NEO1: variants seen among roughly 807,000 people sequenced by gnomAD.
NEO1 encodes neogenin 1.
A neutral mutation model predicts 159.7 loss-of-function variants in NEO1; 63 were observed. The ratio of observed to expected loss-of-function variants is 0.39; its 90% CI spans 0.32 to 0.49. The LOEUF (loss-of-function observed/expected upper bound fraction) is 0.49, where lower values mean the gene tolerates loss of function less well. Ranked by LOEUF, NEO1 falls within the 20% of genes least tolerant of loss-of-function variation. The pLI, the probability that NEO1 is intolerant of heterozygous loss-of-function variation, is 0.85. For synonymous variants in NEO1, 633 were observed against 662.0 expected (o/e 0.96, Z 0.67); for missense variants, 1,615 against 1,831.0 (o/e 0.88, Z 2.15).
intron 7 of NEO1, among the ~76,000 whole-genome samples, chr15:73,193,002 T>C (rs905630295): frequency 2.6e-5 from 4 of 152,080 alleles, no homozygotes; most frequent in African/African-American, 4.8e-5. Flanking sequence ...TTATAAACTT[T>C]TTGAGTTTTT....
At chr15:73,228,812 A>G (rs1413144534) in intron 7 of NEO1, among the ~76,000 whole-genome samples, 6 of 152,160 alleles carry the variant, frequency 3.9e-5, no homozygotes, top group Non-Finnish European at 8.8e-5. Context: ...TTGTTGTCCC[A>G]GCACCAGTTG....
At chr15:73,256,664 C>T (rs1320485953) in intron 13 of NEO1, among the ~76,000 whole-genome samples, 3 of 152,136 alleles carry the variant, frequency 2.0e-5, no homozygotes. Context: ...ATGTTTGTCT[C>T]CAGGGGCATG....
At chr15:73,122,971 A>C (rs999826676) in intron 3 of NEO1, among the ~76,000 whole-genome samples, 171 bp downstream of exon 3, 10 of 152,148 alleles carry the variant, frequency 6.6e-5, no homozygotes, top group Non-Finnish European at 2.9e-5. Flanking sequence ...AGCCTGGCCA[A>C]CATGGCGAAA....
At chr15:73,149,599 G>T (rs1313903650) in intron 5 of NEO1, among the ~76,000 whole-genome samples, 1 of 135,428 alleles carries the variant, frequency 7.4e-6, no homozygotes, top group Admixed American at 8.2e-5. Context: ...TTCTTGTGCA[G>T]AAAGTAGAAG....
intron 1 of NEO1, among the ~76,000 whole-genome samples, chr15:73,089,534 A>G (rs542928190): frequency 1.3e-5 from 2 of 152,296 alleles, no homozygotes; most frequent in South Asian, 2.1e-4. Context: ...TGCATGGAAA[A>G]TAACAAATGC....
At chr15:73,091,303 C>A (rs554505592) in intron 1 of NEO1, among the ~76,000 whole-genome samples, 6 of 152,238 alleles carry the variant, frequency 3.9e-5, no homozygotes, top group Admixed American at 6.5e-5. Context: ...CAGTTATGGT[C>A]TAGTATTGTT....
At chr15:73,212,614 A>C (rs1211386481) in intron 7 of NEO1, among the ~76,000 whole-genome samples, 2 of 152,180 alleles carry the variant, frequency 1.3e-5, no homozygotes, top group African/African-American at 4.8e-5. Flanking sequence ...CAGGCATTCA[A>C]ATACAAACTT....
chr15:73,291,361 T>C (rs993646900), intron 25 of NEO1, among the ~76,000 whole-genome samples: 2 of 152,354 alleles, frequency 1.3e-5, no homozygotes, highest in African/African-American at 4.8e-5. Flanking sequence ...CCAGTTGATA[T>C]CATTCTTCTT....
At chr15:73,066,158 C>T (rs934183245) in intron 1 of NEO1, among the ~76,000 whole-genome samples, 1 of 151,204 alleles carries the variant, frequency 6.6e-6, no homozygotes, top group Non-Finnish European at 1.5e-5. Context: ...GCTGGGACTA[C>T]AGGCGCCTGC....
intron 1 of NEO1, among the ~76,000 whole-genome samples, chr15:73,107,013 T>C (rs977272624): frequency 6.6e-6 from 1 of 152,186 alleles, no homozygotes. Flanking sequence ...ACAAACTCTT[T>C]TGTAGTGACT....
intron 5 of NEO1, among the ~76,000 whole-genome samples, chr15:73,153,052 G>A (rs554988404): frequency 6.6e-6 from 1 of 152,328 alleles, no homozygotes; most frequent in African/African-American, 2.4e-5. Context: ...GAGCTGGAGA[G>A]TCAGTGGTTT....
At chr15:73,284,183 G>C (rs971577301) in intron 23 of NEO1, among the ~76,000 whole-genome samples, 1 of 152,152 alleles carries the variant, frequency 6.6e-6, no homozygotes, top group Non-Finnish European at 1.5e-5. Context: ...GGAGATTCCT[G>C]AGTTATTCCT....
At chr15:73,137,045 T>A (rs1315273790) in intron 5 of NEO1, among the ~76,000 whole-genome samples, 1 of 152,206 alleles carries the variant, frequency 6.6e-6, no homozygotes, top group Admixed American at 6.5e-5. Flanking sequence ...GCTCGGGGCC[T>A]CAGCCTCCTC....
intron 16 of NEO1, among the ~76,000 whole-genome samples, chr15:73,269,056 T>G (rs2041048571): frequency 6.6e-6 from 1 of 152,178 alleles, no homozygotes; most frequent in South Asian, 2.1e-4. Context: ...AGTACACCCT[T>G]GAGTTCCTTT....
Position 73,288,795 on chromosome 15 carries a change from C to T in NEO1, c.3649+244C>T, listed in dbSNP as rs539847597. Among the ~76,000 whole-genome samples the T allele has an allele frequency of 3.9e-5, 6 of 152,128 alleles. No homozygotes were observed. In the East Asian group the frequency reaches 7.8e-4, roughly 20 times the overall value. On this transcript the variant is annotated intron_variant, in intron 24 of 28. Transcript: ENST00000261908. ...TAGGTCTCTCATCAGGCTTCAGCAG[C>T]GTGATATTCAAGGATTTGAGGCTAG...
In NEO1 at chr15:73,154,556, A is replaced by G. The variant is rs572174323; in HGVS notation, c.1015+18529A>G. ...TATCTCCATGAGTTCAGTTGTTTTC[A>G]TTTTTAGCTCCCACAAATAAGTGAG... is the stretch of plus-strand genomic sequence containing the variant. On this transcript the variant is annotated intron_variant, in intron 5 of 28. Transcript: ENST00000261908. Among the ~76,000 whole-genome samples, 3 of 152,230 alleles carry G rather than the reference A, an allele frequency of 2.0e-5. No individual in the cohort carries two copies. The East Asian group carries it at 5.8e-4, about 29-fold the overall frequency.
intron 9 of NEO1, among the ~76,000 whole-genome samples, chr15:73,244,969 A>AC (rs2039692742): frequency 4.1e-5 from 6 of 146,326 alleles, no homozygotes; most frequent in South Asian, 2.2e-4. Flanking sequence ...AAAAAAAAAA[A>AC]AAAAAAAAAA....
intron 1 of NEO1, among the ~76,000 whole-genome samples, chr15:73,090,170 A>G (rs905829947): frequency 3.9e-5 from 6 of 152,182 alleles, no homozygotes; most frequent in East Asian, 1.9e-4. Flanking sequence ...GTTGCATAAC[A>G]ATATATATTA....
rs1394912687 is a variant in NEO1 at position 73,069,133 on chromosome 15, T to TTG, written c.130+16329_130+16330insGT. Among the ~76,000 whole-genome samples, 407 of 116,094 alleles carry TTG rather than the reference T, an allele frequency of 3.5e-3. 6 individuals carry two copies. The highest frequency in any genetic ancestry group is 0.016 in the African/African-American group (350 of 22,480). 76.2% of individuals were successfully genotyped at this position (116,094 alleles called of 152,430 possible). A position where few individuals can be genotyped will look rare whatever the true frequency, so the allele number is the denominator to read the frequency against. ...CATGGGCTAATTTTTGTATTTTTTTTTTTTTTTTTTGTAGAGACAGGGTTT... is the reference window on the plus strand; with the variant it reads ...CATGGGCTAATTTTTGTATTTTTTTTTGTTTTTTTTTTGTAGAGACAGGGTTT... On this transcript the variant is annotated intron_variant, in intron 1 of 28. Transcript: ENST00000261908.
Sources: allele counts gnomAD v4.1 joint callset (sites outside exome capture counted in the v4.1 genomes callset), GRCh38; gene constraint gnomAD v4.1.1; transcripts MANE v1.5; gene names NCBI Gene and HGNC (gene_info 2026-07-23, HGNC 2026-07-21).